The following AFF3 variants were observed in gnomAD, a reference collection of about 807,000 sequenced individuals.
AFF3 encodes AF4/FMR2 family member 3.
Under a neutral mutation model 129.7 loss-of-function variants are expected in AFF3, and 32 were observed. That is an observed-to-expected ratio of 0.25 (90% CI 0.19 to 0.33). The LOEUF is 0.33. AFF3 is among the 10% of genes least tolerant of loss of function. AFF3 has a pLI of 1.00. For missense variants in AFF3, 1,373 were observed against 1,592.0 expected, an observed-to-expected ratio of 0.86 and a Z score of 2.34; for synonymous variants, 644 against 635.4, an observed-to-expected ratio of 1.01 and a Z score of -0.20.
chr2:99,942,568 G>A (rs1675160655), intron 7 of AFF3, among the ~76,000 whole-genome samples: 1 of 151,398 alleles, frequency 6.6e-6, no homozygotes, highest in East Asian at 2.0e-4. Flanking sequence ...TCGCGGCACA[G>A]GGAATGGCCT....
At chr2:99,973,872 C>T (rs376679180) in intron 7 of AFF3, among the ~76,000 whole-genome samples, 173 of 152,216 alleles carry the variant, frequency 1.1e-3, no homozygotes, top group South Asian at 6.2e-3. Context: ...TCTTGTGGAA[C>T]GCAGGCGTTA....
chr2:99,758,090 G>A (rs1347619087), intron 8 of AFF3, among the ~76,000 whole-genome samples: 2 of 152,166 alleles, frequency 1.3e-5, no homozygotes, highest in African/African-American at 4.8e-5. Context: ...TGAACATTCA[G>A]CAGTGAATCT....
chr2:99,889,997 C>T (rs531503797), intron 7 of AFF3, among the ~76,000 whole-genome samples: 7 of 152,200 alleles, frequency 4.6e-5, no homozygotes, highest in Non-Finnish European at 8.8e-5. Context: ...TCTGCCCCTG[C>T]CTCATCCACC....
chr2:100,124,736 AG>A (rs2105567896), intron 2 of AFF3, among the ~76,000 whole-genome samples: 1 of 152,324 alleles, frequency 6.6e-6, no homozygotes, highest in South Asian at 2.1e-4. Flanking sequence ...AAATTAATCA[AG>A]GGCAACTAAT....
At chr2:99,628,723 AT>A (rs3073407) in intron 13 of AFF3, among the ~76,000 whole-genome samples, 14 of 92,428 alleles carry the variant, frequency 1.5e-4, no homozygotes, top group Admixed American at 2.8e-4. Flanking sequence ...TGCTTGACTG[AT>A]TTTTTTTTTT....
intron 13 of AFF3, among the ~76,000 whole-genome samples, chr2:99,605,841 C>G (rs910244632): frequency 2.0e-5 from 3 of 149,000 alleles, no homozygotes; most frequent in Admixed American, 1.3e-4. Context: ...TACCACCATA[C>G]CCGGCTAATT....
chr2:99,914,727 A>T (rs1695345354), intron 7 of AFF3, among the ~76,000 whole-genome samples: 1 of 151,940 alleles, frequency 6.6e-6, no homozygotes, highest in African/African-American at 2.4e-5. Flanking sequence ...CAGCCTGGCC[A>T]AAATGATGAA....
intron 7 of AFF3, among the ~76,000 whole-genome samples, chr2:99,971,477 C>G (rs977821786): frequency 1.3e-5 from 2 of 152,190 alleles, no homozygotes; most frequent in African/African-American, 4.8e-5. Context: ...TTCTCTCCAG[C>G]CAAAATTATT....
At chr2:99,567,556 G>A (rs558067523) in intron 19 of AFF3, among the ~76,000 whole-genome samples, 5 of 152,274 alleles carry the variant, frequency 3.3e-5, no homozygotes, top group African/African-American at 1.2e-4. Flanking sequence ...GGCTGGGAAG[G>A]CCACAGGGAG....
intron 8 of AFF3, among the ~76,000 whole-genome samples, chr2:99,764,429 A>G (rs2105288539): frequency 6.6e-6 from 1 of 151,872 alleles, no homozygotes; most frequent in South Asian, 2.1e-4. Context: ...CTCGTTTTGC[A>G]TTTTTCCAGC....
At chr2:99,853,325 T>G (rs1156555059) in intron 7 of AFF3, among the ~76,000 whole-genome samples, 1 of 152,224 alleles carries the variant, frequency 6.6e-6, no homozygotes, top group Non-Finnish European at 1.5e-5. Context: ...TTCCATTGAA[T>G]TCCTTGGTGT....
At chr2:99,914,713 A>C (rs1196755603) in intron 7 of AFF3, among the ~76,000 whole-genome samples, 1 of 151,986 alleles carries the variant, frequency 6.6e-6, no homozygotes, top group Non-Finnish European at 1.5e-5. Context: ...CGGGAGTTTG[A>C]AACCAGCCTG....
At chr2:99,765,867 T>C (rs929925499) in intron 8 of AFF3, among the ~76,000 whole-genome samples, 2 of 152,164 alleles carry the variant, frequency 1.3e-5, no homozygotes, top group Non-Finnish European at 2.9e-5. Context: ...CTTCCTTAAC[T>C]CCCTTCACCA....
chr2:100,062,164 A>G (rs1401603463), intron 4 of AFF3, among the ~76,000 whole-genome samples: 1 of 152,218 alleles, frequency 6.6e-6, no homozygotes, highest in African/African-American at 2.4e-5. Flanking sequence ...GGTCTGGATG[A>G]GGCAGATCTC....
intron 7 of AFF3, among the ~76,000 whole-genome samples, chr2:99,840,261 T>C (rs1251710897): frequency 6.6e-6 from 1 of 152,170 alleles, no homozygotes; most frequent in Non-Finnish European, 1.5e-5. Context: ...GCCATGAAAA[T>C]TTCCCTTTAT....
intron 2 of AFF3, among the ~76,000 whole-genome samples, chr2:100,108,567 G>C (rs1691401143): frequency 6.6e-6 from 1 of 152,072 alleles, no homozygotes; most frequent in Non-Finnish European, 1.5e-5. Flanking sequence ...GACCTTTCTG[G>C]GGCCCTAGAA....
At chr2:99,647,368 T>C (rs1482278031) in intron 13 of AFF3, among the ~76,000 whole-genome samples, 1 of 152,168 alleles carries the variant, frequency 6.6e-6, no homozygotes, top group Non-Finnish European at 1.5e-5. Flanking sequence ...GATGGAGCCA[T>C]TATCCTCAGC....
intron 8 of AFF3, among the ~76,000 whole-genome samples, chr2:99,809,745 T>A (rs1686645465): frequency 6.6e-6 from 1 of 152,226 alleles, no homozygotes; most frequent in Non-Finnish European, 1.5e-5. Flanking sequence ...GAGTCCCACA[T>A]CCCACTGCGC....
At chr2:100,048,841 G>T (rs113547853) in intron 4 of AFF3, among the ~76,000 whole-genome samples, 1 of 152,050 alleles carries the variant, frequency 6.6e-6, no homozygotes, top group Non-Finnish European at 1.5e-5. Flanking sequence ...TGATGTTCAC[G>T]CTCACAAATT....
Sources: gnomAD v4.1 joint callset for allele counts (sites outside exome capture counted in the v4.1 genomes callset) on GRCh38, gnomAD v4.1.1 for gene constraint, MANE v1.5 for transcripts, NCBI Gene and HGNC (gene_info 2026-07-23, HGNC 2026-07-21) for gene names.